Variants in FBXO6 observed in about 807,000 individuals in gnomAD.
FBXO6 encodes the protein F-box only protein 6.
FBXO6 carries 13 observed loss-of-function variants against 25.0 expected under a neutral mutation model. The observed-to-expected ratio is 0.52, with a 90% CI of 0.34 to 0.83. The LOEUF (loss-of-function observed/expected upper bound fraction) is 0.83. Among genes scored for constraint, FBXO6 ranks in the 40% least tolerant of loss-of-function variants. The pLI, the probability that FBXO6 is intolerant of heterozygous loss-of-function variation, is 0.02. For missense variants in FBXO6, 370 were observed against 380.2 expected (o/e 0.97, Z 0.22); for synonymous variants, 138 against 155.3 (o/e 0.89, Z 0.83).
intron 3 of FBXO6, among the ~76,000 whole-genome samples, chr1:11,671,594 G>A (rs775876640): frequency 3.3e-5 from 5 of 152,240 alleles, no homozygotes; most frequent in Non-Finnish European, 7.3e-5. Context: ...GATCACTGAA[G>A]CAGGCCAGGA....
chr1:11,669,240 C>T (rs906579337), intron 2 of FBXO6, among the ~76,000 whole-genome samples: 8 of 152,120 alleles, frequency 5.3e-5, no homozygotes, highest in South Asian at 2.1e-4. Context: ...CCGAGATGGG[C>T]GGATCACCTG....
chr1:11,664,879 C>T (rs1640360433), intron 1 of FBXO6: 1 of 152,088 alleles, frequency 6.6e-6, no homozygotes, highest in Non-Finnish European at 1.5e-5. Context: ...CACAAAATGC[C>T]CAGGGCCGGG....
At chr1:11,664,597 T>G (rs1570264069) in intron 1 of FBXO6, 1 of 151,924 alleles carries the variant, frequency 6.6e-6, no homozygotes, top group Non-Finnish European at 1.5e-5. Flanking sequence ...GCGGAGGCTC[T>G]GCGGCCGCCT....
chr1:11,671,877 G>C (rs763425979), intron 3 of FBXO6, 51 bp from the exon 4 acceptor site: 11 of 1,511,146 alleles, frequency 7.3e-6, no homozygotes, highest in East Asian at 2.3e-5. Context: ...GTGAGGGGGG[G>C]GGCCATGCAG....
At position 11,668,956 on chromosome 1, in the gene FBXO6, G is replaced by A. The variant is rs769818960; in HGVS notation, c.286+12G>A. On this transcript the variant is annotated intron_variant, in intron 2 of 5. Coordinates refer to ENST00000376753, the MANE Select transcript of FBXO6 (RefSeq NM_018438.6). ...CCCGTGTGCTGAAGGTGGCATGGGG[G>A]CAGGGTGGAGGCTGCCACCAGGCTC... The A allele has an allele frequency of 8.1e-6, 13 of 1,611,240 alleles. No individual in the cohort carries two copies. In the South Asian group the frequency reaches 1.3e-4, roughly 16 times the overall value.
intron 2 of FBXO6, among the ~76,000 whole-genome samples, chr1:11,670,628 T>TA (rs201022046): frequency 7.5e-5 from 7 of 92,848 alleles, no homozygotes; most frequent in East Asian, 3.3e-4. Context: ...TTTTACTTAT[T>TA]AAAAAAAAAA....
rs775176246 is a variant in FBXO6, at chr1:11,673,825, T to G, written c.856T>G (p.Tyr286Asp). The change falls in exon 6 of 6, where the codon TAC becomes GAC. Residue 286 changes from tyrosine to aspartate, a missense_variant. Coordinates refer to ENST00000376753, the MANE Select transcript of FBXO6 (RefSeq NM_018438.6). The surrounding 1 kb of genome is among the most constrained non-coding windows in gnomAD (Gnocchi z 4.3). ...ACAGGAGGAGGCTGCCCAATCGCCCTACCGAGCTGTTGTCCAGATTTTCTG... is the reference window on the plus strand; with the variant it reads ...ACAGGAGGAGGCTGCCCAATCGCCCGACCGAGCTGTTGTCCAGATTTTCTG... The part of the protein sequence containing the change: ...HGQEEAAQSP[Y>D]RAVVQIF 1.2e-6 allele frequency: 2 copies of G among 1,614,064 alleles called. No individual in the cohort carries two copies. The highest frequency in any genetic ancestry group is 1.7e-6 in the Non-Finnish European group (2 of 1,180,016).
intron 1 of FBXO6, among the ~76,000 whole-genome samples, 176 bp from the exon 2 acceptor site, chr1:11,668,480 C>T (rs757185069): frequency 2.6e-5 from 4 of 151,718 alleles, no homozygotes; most frequent in Non-Finnish European, 4.4e-5. Flanking sequence ...TCACTGTAGC[C>T]TTGAATTCCC....
At chr1:11,671,457 G>T in intron 3 of FBXO6, 65 bp downstream of exon 3, 2 of 1,578,890 alleles carry the variant, frequency 1.3e-6, no homozygotes, top group Non-Finnish European at 1.7e-6. Flanking sequence ...CCTTTGCCAA[G>T]TCTCAGGCAA....
At chr1:11,665,728 T>C (rs1375958216) in intron 1 of FBXO6, among the ~76,000 whole-genome samples, 1 of 151,584 alleles carries the variant, frequency 6.6e-6, no homozygotes, top group Non-Finnish European at 1.5e-5. Context: ...GCCCAGCTAA[T>C]TTTTGTATTT....
rs754099597 is a variant in FBXO6 at position 11,673,234 on chromosome 1, G to A, written c.510-43G>A. On this transcript the variant is annotated intron_variant, in intron 4 of 5. Transcript: ENST00000376753. This position sits in a 1 kb window ranked among gnomAD's most constrained non-coding sequence, Gnocchi z 4.3. ...CCACCTGCCCCCACCCCTGGGGCCAGCCCTCGGTGGCTTGGACACAGGGCT... is the reference window on the plus strand; with the variant it reads ...CCACCTGCCCCCACCCCTGGGGCCAACCCTCGGTGGCTTGGACACAGGGCT... The A allele has an allele frequency of 2.5e-6, 4 of 1,581,040 alleles. No homozygotes were observed. In the Admixed American group the frequency reaches 7.0e-5, roughly 28 times the overall value.
At chr1:11,667,863 T>C (rs1985120) in intron 1 of FBXO6, among the ~76,000 whole-genome samples, 65,955 of 151,892 alleles carry the variant, frequency 0.43, 18,356 homozygotes, top group African/African-American at 0.8. Context: ...GAGGCCGAGG[T>C]GGGCGGATCA....
chr1:11,672,391 A>T (rs1640642590), intron 4 of FBXO6, among the ~76,000 whole-genome samples: 1 of 151,836 alleles, frequency 6.6e-6, no homozygotes, highest in Non-Finnish European at 1.5e-5. Context: ...TGTTCAAGCG[A>T]TTCTCCTGCC....
rs1052156546 is a variant in FBXO6 at position 11,668,701 on chromosome 1, G to A, written c.43G>A (p.Glu15Lys). 9.9e-6 allele frequency: 16 copies of A among 1,613,836 alleles called. No homozygotes were observed. The highest frequency in any genetic ancestry group is 2.2e-5 in the South Asian group (2 of 91,070). The change falls in exon 2 of 6, where the codon GAG (glutamate) becomes AAG (lysine). Residue 15 changes from glutamate (E) to lysine (K), a missense_variant. By Grantham distance (56) the Glu-to-Lys change is moderately conservative. Transcript: ENST00000376753. ...CAAAGCAGCCCTGGACAGCATTAAC[G>A]AGCTGCCCGAGAACATCCTGCTGGA... Reference protein sequence around the residue: ...HSKAALDSINELPENILLELF... With the variant: ...HSKAALDSINKLPENILLELF...
rs2100701446 is a variant in FBXO6 at position 11,673,500 on chromosome 1, C to A, written c.645+88C>A. The A allele has an allele frequency of 6.3e-7, 1 of 1,579,262 alleles. No individual in the cohort carries two copies. On this transcript the variant is annotated intron_variant, in intron 5 of 5. Transcript: ENST00000376753. The surrounding 1 kb of genome is among the most constrained non-coding windows in gnomAD (Gnocchi z 4.3). ...AAGGGCAGCCTCAGGGCCCAGGGTG[C>A]CCCTGCTGGCCTGGAGCTGTTGCCT...
chr1:11,673,709 G>A lies in FBXO6; in HGVS notation c.740G>A (p.Gly247Glu). The change falls in exon 6 of 6, where the codon GGG becomes GAG. Residue 247 changes from glycine to glutamate, a missense_variant. Coordinates refer to ENST00000376753, the MANE Select transcript of FBXO6 (RefSeq NM_018438.6). This position sits in a 1 kb window ranked among gnomAD's most constrained non-coding sequence, Gnocchi z 4.3. ...RDTQYWAGWY[G>E]PRVTNSSIVV... Reference sequence around the variant, plus strand: ...ACCCAGTACTGGGCAGGCTGGTATGGGCCCCGAGTCACCAACAGCAGCATT... The same window carrying A: ...ACCCAGTACTGGGCAGGCTGGTATGAGCCCCGAGTCACCAACAGCAGCATT... 1 of 1,614,090 alleles carries A rather than the reference G, an allele frequency of 6.2e-7. No individual in the cohort carries two copies. The highest frequency in any genetic ancestry group is 8.5e-7 in the Non-Finnish European group (1 of 1,180,030).
intron 2 of FBXO6, among the ~76,000 whole-genome samples, chr1:11,669,483 T>A (rs891238453): frequency 2.0e-5 from 3 of 147,750 alleles, no homozygotes; most frequent in Admixed American, 6.8e-5. Context: ...AAAAAAAAAA[T>A]TTTTTTTTCA....
rs1640636022 is a variant in FBXO6, at chr1:11,672,138, C to CAGGT, written c.509+118_509+121dup. 3.2e-6 allele frequency: 3 copies of CAGGT among 947,350 alleles called. No homozygotes were observed. The East Asian group carries it at 7.8e-5, about 25-fold the overall frequency. 58.7% of individuals were successfully genotyped at this position (947,350 alleles called of 1,614,324 possible). On this transcript the variant is annotated intron_variant, in intron 4 of 5. Coordinates refer to ENST00000376753, the MANE Select transcript of FBXO6 (RefSeq NM_018438.6). ...ACTCTGCACAGCAGTGCCCTGGAGC[C>CAGGT]AGGTAGCCCCGGCCTCCGCCCCTGC... is the stretch of plus-strand genomic sequence containing the variant.
chr1:11,673,803 G>T lies in FBXO6; in HGVS notation c.834G>T (p.Gln278His), dbSNP rs143687287. ...SEAQPGQKHG[Q>H]EEAAQSPYRA... The stretch of plus-strand genomic sequence containing the variant: ...CTCAGCCTGGGCAGAAGCATGGACA[G>T]GAGGAGGCTGCCCAATCGCCCTACC... Residue 278 changes from glutamine to histidine, a missense_variant, in exon 6 of 6, where the codon CAG (glutamine) becomes CAT (histidine). Transcript: ENST00000376753. This position sits in a 1 kb window ranked among gnomAD's most constrained non-coding sequence, Gnocchi z 4.3. 1,868 of 1,613,994 alleles carry T rather than the reference G, an allele frequency of 1.2e-3. 4 individuals carry two copies. Among genetic ancestry groups the T allele is most frequent in the Non-Finnish European group, 1.5e-3 (1,725 of 1,180,024 alleles).
Sources: allele counts gnomAD v4.1 joint callset (sites outside exome capture counted in the v4.1 genomes callset), GRCh38; gene constraint gnomAD v4.1.1; non-coding constraint Gnocchi (gnomAD v3.1); transcripts MANE v1.5; gene names NCBI Gene and HGNC (gene_info 2026-07-23, HGNC 2026-07-21).